The following PCDHGA4 variants were observed in gnomAD, a reference collection of about 807,000 sequenced individuals.
PCDHGA4 encodes the protein protocadherin gamma subfamily A, 4.
PCDHGA4 carries 38 observed loss-of-function variants against 54.6 expected under a neutral mutation model. The observed-to-expected ratio is 0.70, with a 90% confidence interval of 0.54 to 0.91. The LOEUF (loss-of-function observed/expected upper bound fraction) is 0.91. Ranked by LOEUF, PCDHGA4 falls within the 40% of genes least tolerant of loss-of-function variation. The pLI, the probability that PCDHGA4 is intolerant of heterozygous loss-of-function variation, is 0.00. For missense variants in PCDHGA4, 1,298 were observed against 1,220.9 expected, an observed-to-expected ratio of 1.06 and a Z score of -0.94; for synonymous variants, 511 against 512.9, an observed-to-expected ratio of 1.00 and a Z score of 0.05.
In PCDHGA4 at chr5:141,490,309, A is replaced by G. The variant is rs1485303337; in HGVS notation, c.2515-4498A>G. On this transcript the variant is annotated intron_variant, in intron 1 of 3. Transcript: ENST00000571252. The surrounding 1 kb of genome is among the most constrained non-coding windows in gnomAD (Gnocchi z 5.4). ...AGAGGTGCTATTGGCCTCTTTGGCCAACCCTGTCCTAGAGAGCACACCAGT... is the reference window on the plus strand; with the variant it reads ...AGAGGTGCTATTGGCCTCTTTGGCCGACCCTGTCCTAGAGAGCACACCAGT... The G allele has an allele frequency of 2.8e-5, 46 of 1,614,126 alleles. No homozygotes were observed. Among genetic ancestry groups the G allele is most frequent in the Non-Finnish European group, 3.8e-5 (45 of 1,180,056 alleles).
intron 1 of PCDHGA4, chr5:141,421,189 C>T: frequency 1.4e-6 from 2 of 1,477,674 alleles, no homozygotes; most frequent in South Asian, 2.7e-5. Flanking sequence ...CACAACCAAC[C>T]AGCTCGAGAA....
intron 2 of PCDHGA4, 47 bp from the exon 3 acceptor site, chr5:141,505,346 C>G: frequency 4.3e-6 from 7 of 1,612,970 alleles, no homozygotes; most frequent in Non-Finnish European, 5.9e-6. Context: ...GGGGCATGAG[C>G]TGTGCCGGCC....
intron 1 of PCDHGA4, among the ~76,000 whole-genome samples, chr5:141,460,003 A>AG (rs1177398494): frequency 6.6e-6 from 1 of 152,186 alleles, no homozygotes; most frequent in African/African-American, 2.4e-5. Context: ...GCTTGAACCC[A>AG]GGAGGCGGAG....
intron 1 of PCDHGA4, chr5:141,428,142 C>A: frequency 6.3e-7 from 1 of 1,594,260 alleles, no homozygotes; most frequent in Non-Finnish European, 8.6e-7. Flanking sequence ...CCTGGGGCTG[C>A]ACACGGGAAC....
At chr5:141,405,093 T>C in intron 1 of PCDHGA4, 1 of 1,613,946 alleles carries the variant, frequency 6.2e-7, no homozygotes, top group Non-Finnish European at 8.5e-7. Flanking sequence ...CTGCTGGCCC[T>C]CAGGCTGAGG....
chr5:141,375,013 G>C, intron 1 of PCDHGA4: 2 of 1,614,004 alleles, frequency 1.2e-6, no homozygotes, highest in Non-Finnish European at 1.7e-6. Flanking sequence ...TAGACTATGA[G>C]GACTCGAGTT....
chr5:141,461,845 C>CA (rs2099025049), intron 1 of PCDHGA4, among the ~76,000 whole-genome samples: 1 of 151,000 alleles, frequency 6.6e-6, no homozygotes. Context: ...TTTTTTGAGA[C>CA]AGAGTTTTGC....
In PCDHGA4 at chr5:141,431,253, ACT is replaced by A. The variant is rs757246289; in HGVS notation, c.2515-63549_2515-63548del. On this transcript the variant is annotated intron_variant, in intron 1 of 3. Coordinates refer to ENST00000571252, the MANE Select transcript of PCDHGA4 (RefSeq NM_018917.4). This position sits in a 1 kb window ranked among gnomAD's most constrained non-coding sequence, Gnocchi z 4.8. ...GCCTGGGATCCGGATATCGGGAAGA[ACT>A]CTCTGCAGAGCTACGAGCTCAGCCC... 2.2e-5 allele frequency: 35 copies of A among 1,614,014 alleles called. No individual in the cohort carries two copies. In the South Asian group the frequency reaches 3.1e-4, roughly 14 times the overall value.
intron 1 of PCDHGA4, among the ~76,000 whole-genome samples, chr5:141,437,929 G>A (rs1479763331): frequency 6.6e-6 from 1 of 151,960 alleles, no homozygotes; most frequent in East Asian, 1.9e-4. Context: ...GTAGAGATGG[G>A]GTTTCACCAT....
chr5:141,482,574 A>C (rs1294997781), intron 1 of PCDHGA4, among the ~76,000 whole-genome samples: 2 of 151,592 alleles, frequency 1.3e-5, no homozygotes, highest in Non-Finnish European at 2.9e-5. Context: ...GCATAGCATA[A>C]GATGCAGTGG....
rs1334650353 is a variant in PCDHGA4, at chr5:141,493,099, A to T, written c.2515-1708A>T. Among the ~76,000 whole-genome samples, 1 of 152,192 alleles carries T rather than the reference A, an allele frequency of 6.6e-6. No homozygotes were observed. Among genetic ancestry groups the T allele is most frequent in the East Asian group, 1.9e-4 (1 of 5,198 alleles). On this transcript the variant is annotated intron_variant, in intron 1 of 3. Coordinates refer to ENST00000571252, the MANE Select transcript of PCDHGA4 (RefSeq NM_018917.4). This position sits in a 1 kb window ranked among gnomAD's most constrained non-coding sequence, Gnocchi z 4.3. ...CTCCAGGAGCTTTTATTCAAAATAT[A>T]TCAATGCCTAACTCTGCTCCTAGGA... is the stretch of plus-strand genomic sequence containing the variant.
chr5:141,494,021 G>C (rs1036188621), intron 1 of PCDHGA4, among the ~76,000 whole-genome samples: 2 of 152,158 alleles, frequency 1.3e-5, no homozygotes, highest in African/African-American at 2.4e-5. Context: ...CCCCTTGGGA[G>C]CCCTGGAGAC....
chr5:141,505,911 A>C (rs2099849083), intron 3 of PCDHGA4, among the ~76,000 whole-genome samples: 1 of 152,154 alleles, frequency 6.6e-6, no homozygotes, highest in South Asian at 2.1e-4. Flanking sequence ...CAAAGCATAG[A>C]GTTCTGGGCC....
chr5:141,478,987 G>T (rs1007857792), intron 1 of PCDHGA4, among the ~76,000 whole-genome samples: 8 of 152,144 alleles, frequency 5.3e-5, no homozygotes, highest in African/African-American at 1.4e-4. Flanking sequence ...TGTGACATTT[G>T]TATTAAAACT....
rs368718827 is a variant in PCDHGA4, at chr5:141,410,231, G to A, written c.2514+52610G>A. On this transcript the variant is annotated intron_variant, in intron 1 of 3. Transcript: ENST00000571252. ...GCAAGAGATACTGCCAGACCTCAGC[G>A]ACCGCCCTGTACTCTCTGACCCCCA... 8.7e-6 allele frequency: 14 copies of A among 1,613,888 alleles called. No homozygotes were observed. The highest frequency in any genetic ancestry group is 1.6e-4 in the Middle Eastern group (1 of 6,084).
In PCDHGA4 at chr5:141,456,878, G is replaced by T. The variant is rs71583646; in HGVS notation, c.2515-37929G>T. On this transcript the variant is annotated intron_variant, in intron 1 of 3. Coordinates refer to ENST00000571252, the MANE Select transcript of PCDHGA4 (RefSeq NM_018917.4). ...ATTGGGAGGCTGAGGCAGGAGAATCGCTTGAACCCGGGAGGCAGAGGTTGC... is the reference window on the plus strand; with the variant it reads ...ATTGGGAGGCTGAGGCAGGAGAATCTCTTGAACCCGGGAGGCAGAGGTTGC... Among the ~76,000 whole-genome samples, 307 of 152,160 alleles carry T rather than the reference G, an allele frequency of 2.0e-3. 1 individual carries two copies. The highest frequency in any genetic ancestry group is 0.01 in the Middle Eastern group (3 of 294).
chr5:141,372,295 A>T (rs747911536), intron 1 of PCDHGA4: 2 of 1,613,304 alleles, frequency 1.2e-6, no homozygotes, highest in Non-Finnish European at 1.7e-6. Context: ...ACCTTGGGCG[A>T]CAGGGAGGCC....
At chr5:141,410,413 T>C (rs1229133377) in intron 1 of PCDHGA4, 10 of 1,613,938 alleles carry the variant, frequency 6.2e-6, no homozygotes, top group Non-Finnish European at 8.5e-6. Context: ...AGTCTGGACC[T>C]GTAGTTCCCC....
At chr5:141,394,739 C>G (rs377359689) in intron 1 of PCDHGA4, 1 of 1,613,390 alleles carries the variant, frequency 6.2e-7, no homozygotes, top group Non-Finnish European at 8.5e-7. Context: ...AGCAGAGCCT[C>G]GTGGTGGCCG....
Sources: allele counts gnomAD v4.1 joint callset (sites outside exome capture counted in the v4.1 genomes callset), GRCh38; gene constraint gnomAD v4.1.1; non-coding constraint Gnocchi (gnomAD v3.1); transcripts MANE v1.5; gene names NCBI Gene and HGNC (gene_info 2026-07-23, HGNC 2026-07-21).